The following CHAF1A variants were observed in gnomAD, a reference collection of about 807,000 sequenced individuals.
The protein encoded by CHAF1A is chromatin assembly factor 1 subunit A.
CHAF1A carries 5 observed loss-of-function variants against 93.2 expected under a neutral mutation model. The ratio of observed to expected loss-of-function variants is 0.05; its 90% CI spans 0.03 to 0.11. CHAF1A has a LOEUF of 0.11. CHAF1A is among the 10% of genes least tolerant of loss of function. CHAF1A has a pLI of 1.00. For missense variants in CHAF1A, 1,102 were observed against 1,259.9 expected (o/e 0.87, Z 1.90); for synonymous variants, 504 against 510.3 (o/e 0.99, Z 0.17).
At position 4,432,093 on chromosome 19, in the gene CHAF1A, G is replaced by C. The variant is rs201342425; in HGVS notation, c.2089G>C (p.Ala697Pro). ...CGTGTGGGCGGCTGACAGAGACTGCGCAGGCGATGACCTGAAGGTACTGCA... is the reference window on the plus strand; with the variant it reads ...CGTGTGGGCGGCTGACAGAGACTGCCCAGGCGATGACCTGAAGGTACTGCA... ...GCVWAADRDC[A>P]GDDLKVLQQF... Residue 697 changes from alanine to proline, a missense_variant, in exon 12 of 15, where the codon GCA becomes CCA. By Grantham distance (27) the Ala-to-Pro change is conservative (BLOSUM62 -1). This residue lies in a region of CHAF1A where 335 missense variants were observed against 361.9 expected (regional missense o/e 0.93). Transcript: ENST00000301280. The C allele has an allele frequency of 6.2e-7, 1 of 1,614,012 alleles. No homozygotes were observed. Among genetic ancestry groups the C allele is most frequent in the East Asian group, 2.2e-5 (1 of 44,838 alleles).
In CHAF1A at chr19:4,422,957, C is replaced by A. The variant is rs528771858; in HGVS notation, c.1247+162C>A. 3.9e-5 allele frequency among the ~76,000 whole-genome samples: 6 copies of A among 152,148 alleles called. No individual in the cohort carries two copies. Among genetic ancestry groups the A allele is most frequent in the South Asian group, 2.1e-4 (1 of 4,830 alleles). ...TGCCCGTGGGGCCCTGACGTGGGAG[C>A]GGTGGAAAGCAGCTCCCTGCTCTTT... On this transcript the variant is annotated intron_variant, in intron 5 of 14. Coordinates refer to ENST00000301280, the MANE Select transcript of CHAF1A (RefSeq NM_005483.3). This position sits in a 1 kb window ranked among gnomAD's most constrained non-coding sequence, Gnocchi z 4.6.
In CHAF1A at chr19:4,402,723, C is replaced by T. The variant is rs532080132; in HGVS notation, c.-40C>T. On this transcript the variant is annotated 5_prime_UTR_variant, in exon 1 of 15. Transcript: ENST00000301280. ...AGCGGCCGCCTGAGGGGAGCCCGCG[C>T]CTCCGCCGCCTGAGAGGAGGTCGAG... The T allele has an allele frequency of 2.5e-5, 30 of 1,184,928 alleles. No individual in the cohort carries two copies. The highest frequency in any genetic ancestry group is 3.2e-5 in the African/African-American group (2 of 62,692). The allele number at this position is 1,184,928 out of a possible 1,614,324, so 73.4% of individuals were successfully genotyped here. A position where few individuals can be genotyped will look rare whatever the true frequency, so the allele number is the denominator to read the frequency against.
In CHAF1A at chr19:4,428,835, C is replaced by T. The variant is rs1448657925; in HGVS notation, c.1549C>T (p.Pro517Ser). 3 of 1,613,832 alleles carry T rather than the reference C, an allele frequency of 1.9e-6. No individual in the cohort carries two copies. Among genetic ancestry groups the T allele is most frequent in the South Asian group, 2.2e-5 (2 of 91,086 alleles). Reference protein sequence around the residue: ...SFLKDLKGRQPLRSGPTHVST... With the variant: ...SFLKDLKGRQSLRSGPTHVST... ...CTTGAAAGACCTCAAAGGCCGGCAGCCCCTGAGGTCCGGACCCACGCACGT... is the reference window on the plus strand; with the variant it reads ...CTTGAAAGACCTCAAAGGCCGGCAGTCCCTGAGGTCCGGACCCACGCACGT... The change falls in exon 8 of 15, where the codon CCC (proline) becomes TCC (serine). Residue 517 changes from proline to serine, a missense_variant. Coordinates refer to ENST00000301280, the MANE Select transcript of CHAF1A (RefSeq NM_005483.3).
chr19:4,431,975 T>C lies in CHAF1A; in HGVS notation c.1971T>C (p.His657=). 6.2e-7 allele frequency: 1 copy of C among 1,611,870 alleles called. No individual in the cohort carries two copies. The highest frequency in any genetic ancestry group is 8.5e-7 in the Non-Finnish European group (1 of 1,178,316). The change falls in exon 12 of 15, where the codon CAT becomes CAC. Residue 657 remains histidine, a synonymous_variant. Coordinates refer to ENST00000301280, the MANE Select transcript of CHAF1A (RefSeq NM_005483.3). ...AGGAGTGTGCCGACCCTGAGAACCA[T>C]AAGGTCCGCCAGAAACTGAAGGCCA... ...VTEECADPEN[H]KVRQKLKAKE... is the part of the protein sequence containing the mutation.
Position 4,412,833 on chromosome 19 carries a change from C to T in CHAF1A, c.960+3074C>T, listed in dbSNP as rs1973830718. Among the ~76,000 whole-genome samples the T allele has an allele frequency of 3.3e-5, 5 of 152,214 alleles. No homozygotes were observed. In the South Asian group the frequency reaches 1.0e-3, roughly 31 times the overall value. ...ATTTACAAGTGGTAAAGGCTTCAGG[C>T]TGGCCCAGAGCCTATGGCAGAAAGC... On this transcript the variant is annotated intron_variant, in intron 3 of 14. Transcript: ENST00000301280.
intron 3 of CHAF1A, among the ~76,000 whole-genome samples, chr19:4,412,662 T>C (rs77085857): frequency 0.022 from 3,298 of 152,330 alleles, 127 homozygotes; most frequent in African/African-American, 0.075. Flanking sequence ...GGCACAATCC[T>C]GCCCGCTTTC....
chr19:4,422,294 G>A lies in CHAF1A; in HGVS notation c.1018-272G>A, dbSNP rs1282825257. 3.3e-5 allele frequency among the ~76,000 whole-genome samples: 5 copies of A among 151,866 alleles called. No individual in the cohort carries two copies. The highest frequency in any genetic ancestry group is 1.2e-4 in the African/African-American group (5 of 41,226). ...CTCCCAAAGTGCTGGGATTACAGGCGTGAACCACCGCGCGCAGCCAATTTT... is the reference window on the plus strand; with the variant it reads ...CTCCCAAAGTGCTGGGATTACAGGCATGAACCACCGCGCGCAGCCAATTTT... On this transcript the variant is annotated intron_variant, in intron 4 of 14. Transcript: ENST00000301280. The surrounding 1 kb of genome is among the most constrained non-coding windows in gnomAD (Gnocchi z 4.6).
At chr19:4,406,871 A>G (rs760478596) in intron 2 of CHAF1A, among the ~76,000 whole-genome samples, 2 of 152,068 alleles carry the variant, frequency 1.3e-5, no homozygotes, top group African/African-American at 2.4e-5. Flanking sequence ...GCTGCGGTGA[A>G]TTATAATGAC....
chr19:4,419,550 C>T (rs1287051238), intron 4 of CHAF1A, among the ~76,000 whole-genome samples: 1 of 152,064 alleles, frequency 6.6e-6, no homozygotes, highest in Admixed American at 6.6e-5. Flanking sequence ...CTGCCTCAGC[C>T]TCTCGAGTAG....
intron 7 of CHAF1A, 105 bp downstream of exon 7, chr19:4,423,979 G>GGGA: frequency 9.3e-7 from 1 of 1,077,066 alleles, no homozygotes; most frequent in Non-Finnish European, 1.4e-6. Flanking sequence ...TTAGGAGGGA[G>GGGA]GGAGCCTCCA....
chr19:4,415,754 C>G (rs1029686471), intron 3 of CHAF1A, among the ~76,000 whole-genome samples: 1 of 152,088 alleles, frequency 6.6e-6, no homozygotes, highest in African/African-American at 2.4e-5. Flanking sequence ...CGGCCTTTCC[C>G]TAAAGAAAGG....
At chr19:4,441,459 T>G (rs944001498) in intron 13 of CHAF1A, among the ~76,000 whole-genome samples, 2 of 150,656 alleles carry the variant, frequency 1.3e-5, no homozygotes, top group Non-Finnish European at 2.9e-5. Context: ...AATACAAAAA[T>G]TAGCTGGGCG....
Position 4,408,797 on chromosome 19 carries a change from A to G in CHAF1A, c.104-106A>G, listed in dbSNP as rs544364322. ...CCCAGATAGTCCCTTTTTAAACTTT[A>G]AAATTATCTCCCACCCCCATGTCCC... On this transcript the variant is annotated intron_variant, in intron 2 of 14. Coordinates refer to ENST00000301280, the MANE Select transcript of CHAF1A (RefSeq NM_005483.3). 3 of 1,417,134 alleles carry G rather than the reference A, an allele frequency of 2.1e-6. No homozygotes were observed. In the South Asian group the frequency reaches 4.2e-5, roughly 20 times the overall value. 87.8% of individuals were successfully genotyped at this position (1,417,134 alleles called of 1,614,324 possible).
chr19:4,434,061 C>T (rs368863692), intron 13 of CHAF1A, among the ~76,000 whole-genome samples: 1 of 152,018 alleles, frequency 6.6e-6, no homozygotes, highest in African/African-American at 2.4e-5. Flanking sequence ...ATCAGTGCAC[C>T]TCAGGCCAGG....
rs900807692 is a variant in CHAF1A at position 4,422,848 on chromosome 19, C to T, written c.1247+53C>T. The T allele has an allele frequency of 2.6e-6, 4 of 1,524,148 alleles. No homozygotes were observed. The East Asian group carries it at 6.8e-5, about 26-fold the overall frequency. 94.4% of individuals were successfully genotyped at this position (1,524,148 alleles called of 1,614,324 possible). On this transcript the variant is annotated intron_variant, in intron 5 of 14. Coordinates refer to ENST00000301280, the MANE Select transcript of CHAF1A (RefSeq NM_005483.3). The surrounding 1 kb of genome is among the most constrained non-coding windows in gnomAD (Gnocchi z 4.6). Reference sequence around the variant, plus strand: ...CCCGCCACCCTGCTGCTGGATTCCGCTCCTGGCCACTCTGATGGGGCCTTT... The same window carrying T: ...CCCGCCACCCTGCTGCTGGATTCCGTTCCTGGCCACTCTGATGGGGCCTTT...
intron 11 of CHAF1A, chr19:4,431,067 C>T (rs190345593): frequency 2.3e-3 from 385 of 165,178 alleles, no homozygotes; most frequent in South Asian, 3.2e-3. Context: ...AGATTGCCCA[C>T]GTCTCTGCAG....
rs1040700537 is a variant in CHAF1A, at chr19:4,428,923, T to A, written c.1604+33T>A. On this transcript the variant is annotated intron_variant, in intron 8 of 14. Coordinates refer to ENST00000301280, the MANE Select transcript of CHAF1A (RefSeq NM_005483.3). ...CCTGAGGAGGTCGGCCTTCACCCACTAGTGATGCTGGAGGCCAGCATCCTG... is the reference window on the plus strand; with the variant it reads ...CCTGAGGAGGTCGGCCTTCACCCACAAGTGATGCTGGAGGCCAGCATCCTG... The A allele has an allele frequency of 6.4e-6, 10 of 1,559,538 alleles. No homozygotes were observed. In the African/African-American group the frequency reaches 1.2e-4, roughly 19 times the overall value.
chr19:4,429,584 G>A lies in CHAF1A; in HGVS notation c.1751G>A (p.Arg584Gln), dbSNP rs1254201677. 2.5e-6 allele frequency: 4 copies of A among 1,614,052 alleles called. No individual in the cohort carries two copies. The highest frequency in any genetic ancestry group is 2.2e-5 in the East Asian group (1 of 44,878). The stretch of plus-strand genomic sequence containing the variant: ...AAGAAGACGGCACTCATCCGCGCGC[G>A]AGACCCCTGGGCCCAGGACACGGTG... ...WNKKTALIRA[R>Q]DPWAQDTKLL... The change falls in exon 9 of 15, where the codon CGA (arginine) becomes CAA (glutamine). Residue 584 changes from arginine to glutamine, a missense_variant. Physicochemically the swap from Arg to Gln is conservative, Grantham distance 43. Coordinates refer to ENST00000301280, the MANE Select transcript of CHAF1A (RefSeq NM_005483.3).
chr19:4,427,631 A>G (rs550269809), intron 7 of CHAF1A, among the ~76,000 whole-genome samples: 18 of 148,570 alleles, frequency 1.2e-4, no homozygotes, highest in Non-Finnish European at 2.5e-4. Flanking sequence ...TCTATCCCCC[A>G]GGCTGGAGTG....
Sources: allele counts gnomAD v4.1 joint callset (sites outside exome capture counted in the v4.1 genomes callset), GRCh38; gene constraint gnomAD v4.1.1; regional missense constraint gnomAD v4.1.1; non-coding constraint Gnocchi (gnomAD v3.1); transcripts MANE v1.5; gene names NCBI Gene and HGNC (gene_info 2026-07-23, HGNC 2026-07-21).